Variants in SCAP observed in about 807,000 individuals in gnomAD.
SCAP encodes the protein SREBF chaperone, also known as sterol regulatory element-binding protein cleavage-activating protein.
In SCAP, 65 loss-of-function variants were observed where a neutral mutation model predicts 123.6. That is an observed-to-expected ratio of 0.53 (90% CI 0.43 to 0.65). SCAP has a LOEUF of 0.65. Ranked by LOEUF, SCAP falls within the 30% of genes least tolerant of loss-of-function variation. The pLI is 0.00. For synonymous variants in SCAP, 740 were observed against 726.3 expected (o/e 1.02, Z -0.30); for missense variants, 1,398 against 1,712.5 (o/e 0.82, Z 3.24).
chr3:47,415,110 G>A lies in SCAP; in HGVS notation c.3127C>T (p.Leu1043=). The A allele has an allele frequency of 6.2e-7, 1 of 1,609,746 alleles. No individual in the cohort carries two copies. Among genetic ancestry groups the A allele is most frequent in the Non-Finnish European group, 8.5e-7 (1 of 1,178,690 alleles). Residue 1043 remains leucine (L), a synonymous_variant, in exon 19 of 23, where the codon CTG becomes TTG. Coordinates refer to ENST00000265565, the MANE Select transcript of SCAP (RefSeq NM_012235.4). ...CAGGCCCTCCGACCTCTAAACTGCA[G>A]GGGGCTGAGGGCAGTGTGGGTCTCC... ...SLETHTALSP[L]QFRGTPGRGS...
At chr3:47,421,186 T>A (rs1705882952) in intron 10 of SCAP, 157 bp from the exon 11 acceptor site, 1 of 651,748 alleles carries the variant, frequency 1.5e-6, no homozygotes, top group Non-Finnish European at 2.8e-6. Context: ...TCAGCTCACA[T>A]ACCAGCAGCA....
chr3:47,454,960 A>G (rs1182284577), intron 1 of SCAP, among the ~76,000 whole-genome samples: 2 of 150,946 alleles, frequency 1.3e-5, no homozygotes, highest in Non-Finnish European at 3.0e-5. Flanking sequence ...ATCAGTCAAG[A>G]CAAAGAAAAC....
chr3:47,417,445 G>A lies in SCAP; in HGVS notation c.2829C>T (p.Ser943=), dbSNP rs1705640261. Residue 943 remains serine, a synonymous_variant, in exon 17 of 23, where the codon TCC becomes TCT. Transcript: ENST00000265565. ...LRPPSPGPVL[S]QAPEDEGGSP... Reference sequence around the variant, plus strand: ...AGCCACCCTCGTCCTCAGGGGCCTGGGACAGCACCGGCCCAGGCGAGGGTG... The same window carrying A: ...AGCCACCCTCGTCCTCAGGGGCCTGAGACAGCACCGGCCCAGGCGAGGGTG... 3.9e-6 allele frequency: 6 copies of A among 1,553,536 alleles called. No homozygotes were observed. Among genetic ancestry groups the A allele is most frequent in the East Asian group, 2.4e-5 (1 of 41,020 alleles).
intron 1 of SCAP, among the ~76,000 whole-genome samples, chr3:47,453,735 A>G (rs942172111): frequency 2.0e-5 from 3 of 152,124 alleles, no homozygotes; most frequent in Non-Finnish European, 4.4e-5. Flanking sequence ...GAAGGCCCTC[A>G]TGAATATCAC....
Position 47,418,229 on chromosome 3 carries a change from G to A in SCAP, c.2352C>T (p.Ser784=), listed in dbSNP as rs1282098303. Reference sequence around the variant, plus strand: ...AGCAGCTCACCAGCAGCATGCCGTCGCTGGCCAGGCACTCGATGTCCTGCA... The same window carrying A: ...AGCAGCTCACCAGCAGCATGCCGTCACTGGCCAGGCACTCGATGTCCTGCA... ...GHLMDIECLA[S]DGMLLVSCCL... Residue 784 remains serine, a synonymous_variant, in exon 16 of 23, where the codon AGC becomes AGT. Transcript: ENST00000265565. The A allele has an allele frequency of 1.3e-6, 2 of 1,568,796 alleles. No homozygotes were observed. Among genetic ancestry groups the A allele is most frequent in the Non-Finnish European group, 1.7e-6 (2 of 1,157,462 alleles).
chr3:47,432,578 G>A (rs1270882872), intron 3 of SCAP, among the ~76,000 whole-genome samples: 1 of 152,194 alleles, frequency 6.6e-6, no homozygotes, highest in African/African-American at 2.4e-5. Flanking sequence ...GCAGTGAGTC[G>A]AGTAGGGAAG....
intron 2 of SCAP, among the ~76,000 whole-genome samples, chr3:47,441,874 C>CTTTTTTTTTTTT (rs1160447716): frequency 4.3e-4 from 33 of 76,392 alleles, no homozygotes; most frequent in Admixed American, 7.2e-4. Flanking sequence ...GTTCATCTTT[C>CTTTTTTTTTTTT]TTTTTTTTTT....
In SCAP at chr3:47,419,708, C is replaced by T; in HGVS notation, c.1564-4G>A. 2.0e-6 allele frequency: 3 copies of T among 1,519,076 alleles called. No homozygotes were observed. Among genetic ancestry groups the T allele is most frequent in the Admixed American group, 2.2e-5 (1 of 45,848 alleles). 94.1% of individuals were successfully genotyped at this position (1,519,076 alleles called of 1,614,324 possible). ...CAATCCAGACAACGGTGCCAGCCTG[C>T]AGTGGGGCAGGGGGTACTCAGTGGG... On this transcript the variant is annotated splice_polypyrimidine_tract_variant and splice_region_variant and intron_variant, in intron 12 of 22. Coordinates refer to ENST00000265565, the MANE Select transcript of SCAP (RefSeq NM_012235.4). The surrounding 1 kb of genome is among the most constrained non-coding windows in gnomAD (Gnocchi z 5.0).
chr3:47,474,235 A>C lies in SCAP; in HGVS notation c.-99+1564T>G, dbSNP rs1038790571. Among the ~76,000 whole-genome samples, 93 of 151,410 alleles carry C rather than the reference A, an allele frequency of 6.1e-4. 1 individual carries two copies. Among genetic ancestry groups the C allele is most frequent in the African/African-American group, 2.1e-3 (88 of 41,312 alleles). On this transcript the variant is annotated intron_variant, in intron 1 of 22. Coordinates refer to ENST00000265565, the MANE Select transcript of SCAP (RefSeq NM_012235.4). ...AGCCGAGATGGCGCCACTGCACTCC[A>C]GCCTGGGCGACAGAGCGAGACTCCA...
At chr3:47,457,357 T>C (rs1707465361) in intron 1 of SCAP, among the ~76,000 whole-genome samples, 1 of 152,198 alleles carries the variant, frequency 6.6e-6, no homozygotes, top group South Asian at 2.1e-4. Flanking sequence ...TTCTCTGAGC[T>C]TCTCTAACTG....
At chr3:47,433,402 T>C (rs890255271) in intron 3 of SCAP, among the ~76,000 whole-genome samples, 1 of 152,156 alleles carries the variant, frequency 6.6e-6, no homozygotes, top group East Asian at 1.9e-4. Context: ...CCGAGCCCTC[T>C]AGTTATTCTG....
At chr3:47,461,690 G>C (rs1270817490) in intron 1 of SCAP, among the ~76,000 whole-genome samples, 1 of 152,148 alleles carries the variant, frequency 6.6e-6, no homozygotes. Context: ...TTCCATGACA[G>C]AGTTGATTCC....
intron 2 of SCAP, among the ~76,000 whole-genome samples, chr3:47,438,547 C>T (rs1706674766): frequency 6.6e-6 from 1 of 152,210 alleles, no homozygotes; most frequent in Non-Finnish European, 1.5e-5. Flanking sequence ...GGCACGGTGG[C>T]TCACGCCTGT....
chr3:47,425,936 G>A (rs1021162533), intron 7 of SCAP, 61 bp downstream of exon 7: 48 of 1,582,112 alleles, frequency 3.0e-5, no homozygotes, highest in Non-Finnish European at 4.0e-5. Flanking sequence ...AGGGAAGCAG[G>A]TGACATGGAA....
At chr3:47,470,075 G>A (rs1168740155) in intron 1 of SCAP, 1 of 228,262 alleles carries the variant, frequency 4.4e-6, no homozygotes, top group Non-Finnish European at 8.9e-6. Context: ...ACTTTTAAGT[G>A]TGTATACAGA....
intron 10 of SCAP, 77 bp downstream of exon 10, chr3:47,422,365 C>G: frequency 1.5e-6 from 2 of 1,329,258 alleles, no homozygotes; most frequent in Non-Finnish European, 2.1e-6. Context: ...AGGGGAGCAC[C>G]CTGCCCATGG....
chr3:47,445,657 C>T (rs530686513), intron 1 of SCAP, among the ~76,000 whole-genome samples: 58 of 152,170 alleles, frequency 3.8e-4, no homozygotes, highest in African/African-American at 1.1e-3. Flanking sequence ...CTGTAAACTC[C>T]GCCTTCCGGT....
chr3:47,445,409 GC>G (rs1706995158), intron 1 of SCAP, among the ~76,000 whole-genome samples: 1 of 151,754 alleles, frequency 6.6e-6, no homozygotes, highest in Admixed American at 6.6e-5. Context: ...ACTACGCCCA[GC>G]TATTTTTTCG....
At chr3:47,415,501 G>T (rs1372939142) in intron 18 of SCAP, among the ~76,000 whole-genome samples, 1 of 152,056 alleles carries the variant, frequency 6.6e-6, no homozygotes, top group East Asian at 1.9e-4. Context: ...ACAAGCAGAG[G>T]GCTCCATGTA....
Sources: allele counts gnomAD v4.1 joint callset (sites outside exome capture counted in the v4.1 genomes callset), GRCh38; gene constraint gnomAD v4.1.1; non-coding constraint Gnocchi (gnomAD v3.1); transcripts MANE v1.5; gene names NCBI Gene and HGNC (gene_info 2026-07-23, HGNC 2026-07-21).